Variants in THSD7B observed in about 807,000 individuals in gnomAD.
THSD7B encodes the protein thrombospondin type 1 domain containing 7B, also known as thrombospondin type-1 domain-containing protein 7B.
A neutral mutation model predicts 213.6 loss-of-function variants in THSD7B; 138 were observed. The observed-to-expected ratio is 0.65, with a 90% CI of 0.56 to 0.74. The LOEUF is 0.74. Ranked by LOEUF, THSD7B falls within the 30% of genes least tolerant of loss-of-function variation. The probability of loss-of-function intolerance (pLI) is 0.00; values close to 1 mark genes in which losing one functional copy is unlikely to be tolerated. For synonymous variants in THSD7B, 742 were observed against 687.0 expected, an observed-to-expected ratio of 1.08 and a Z score of -1.25; for missense variants, 1,931 against 1,991.5, an observed-to-expected ratio of 0.97 and a Z score of 0.58.
rs187683375 is a variant in THSD7B, at chr2:137,392,396, C to A, written c.2501-13217C>A. Reference sequence around the variant, plus strand: ...TTGCTGTCTCTTTCTTTCTGGAGTTCTAGTAATATTTATTTTATGAATCTG... The same window carrying A: ...TTGCTGTCTCTTTCTTTCTGGAGTTATAGTAATATTTATTTTATGAATCTG... On this transcript the variant is annotated intron_variant, in intron 12 of 27. Coordinates refer to ENST00000409968, the MANE Select transcript of THSD7B (RefSeq NM_001316349.2). 4.6e-5 allele frequency among the ~76,000 whole-genome samples: 7 copies of A among 152,080 alleles called. No individual in the cohort carries two copies. The East Asian group carries it at 1.4e-3, about 29-fold the overall frequency.
intron 1 of THSD7B, among the ~76,000 whole-genome samples, chr2:136,768,566 C>T (rs181900243): frequency 4.9e-4 from 74 of 152,168 alleles, no homozygotes; most frequent in Admixed American, 4.8e-3. Flanking sequence ...ATATTAAATA[C>T]ATGATTAAGA....
At chr2:137,112,453 C>T (rs1688365965) in intron 4 of THSD7B, among the ~76,000 whole-genome samples, 1 of 151,944 alleles carries the variant, frequency 6.6e-6, no homozygotes, top group Admixed American at 6.6e-5. Flanking sequence ...GGTTAATGAG[C>T]TACCAACAAG....
intron 2 of THSD7B, among the ~76,000 whole-genome samples, chr2:137,041,925 G>A (rs1686889790): frequency 6.6e-6 from 1 of 152,194 alleles, no homozygotes; most frequent in Admixed American, 6.5e-5. Flanking sequence ...AACTTAGAGA[G>A]CATGTCCTGT....
intron 3 of THSD7B, among the ~76,000 whole-genome samples, chr2:137,069,796 G>C (rs1687446556): frequency 6.6e-6 from 1 of 151,454 alleles, no homozygotes; most frequent in South Asian, 2.1e-4. Context: ...TTCTTTGAAA[G>C]TAGTAGAAAT....
At chr2:136,954,714 C>CAAAAAAAAAAAAAAAAAAAAAAA (rs11378111) in intron 2 of THSD7B, among the ~76,000 whole-genome samples, 7 of 89,398 alleles carry the variant, frequency 7.8e-5, no homozygotes, top group African/African-American at 3.9e-4. Context: ...GACTCTGTCT[C>CAAAAAAAAAAAAAAAAAAAAAAA]AAAAAAAAAA....
At chr2:136,767,082 G>T (rs1681412547) in intron 1 of THSD7B, among the ~76,000 whole-genome samples, 1 of 152,116 alleles carries the variant, frequency 6.6e-6, no homozygotes. Flanking sequence ...ACAGTTATTT[G>T]TCTGGCAGTG....
chr2:137,093,571 C>T (rs540396122), intron 3 of THSD7B, among the ~76,000 whole-genome samples: 1 of 152,122 alleles, frequency 6.6e-6, no homozygotes, highest in Non-Finnish European at 1.5e-5. Context: ...AATATGCTAT[C>T]GTTTTACTTT....
At position 136,882,258 on chromosome 2, in the gene THSD7B, T is replaced by C. The variant is rs1683638305; in HGVS notation, c.80T>C (p.Leu27Ser). The C allele has an allele frequency of 6.5e-7, 1 of 1,545,302 alleles. No homozygotes were observed. Among genetic ancestry groups the C allele is most frequent in the South Asian group, 1.2e-5 (1 of 83,048 alleles). Residue 27 changes from leucine (L) to serine (S), a missense_variant, in exon 2 of 28, where the codon TTG becomes TCG. Leu to Ser is a moderately radical substitution (Grantham distance 145). Coordinates refer to ENST00000409968, the MANE Select transcript of THSD7B (RefSeq NM_001316349.2). Reference sequence around the variant, plus strand: ...AAGCTCTTTCTATTGCTTTCTCTCTTGCTGTCCCATGCAGCTCATTTGGAA... The same window carrying C: ...AAGCTCTTTCTATTGCTTTCTCTCTCGCTGTCCCATGCAGCTCATTTGGAA... The part of the protein sequence containing the change: ...MRKLFLLLSL[L>S]LSHAAHLEGK...
intron 1 of THSD7B, among the ~76,000 whole-genome samples, chr2:136,810,591 A>G (rs1270877234): frequency 2.0e-5 from 3 of 152,216 alleles, no homozygotes; most frequent in African/African-American, 7.2e-5. Flanking sequence ...TGGTTGTTGG[A>G]TGGTGCCAAT....
At chr2:137,142,473 G>A (rs2104965599) in intron 5 of THSD7B, among the ~76,000 whole-genome samples, 1 of 152,172 alleles carries the variant, frequency 6.6e-6, no homozygotes, top group Non-Finnish European at 1.5e-5. Flanking sequence ...GTTGTTTTTG[G>A]AGGGTTGAGC....
chr2:137,397,092 C>T (rs927392406), intron 12 of THSD7B, among the ~76,000 whole-genome samples: 15 of 148,476 alleles, frequency 1.0e-4, no homozygotes, highest in African/African-American at 3.7e-4. Context: ...GAATAGAGCA[C>T]ACTGATGGGT....
Position 137,094,963 on chromosome 2 carries a change from C to T in THSD7B, c.1041C>T (p.Pro347=). The T allele has an allele frequency of 1.2e-6, 2 of 1,613,894 alleles. No homozygotes were observed. The highest frequency in any genetic ancestry group is 1.7e-6 in the Non-Finnish European group (2 of 1,179,860). ...CETSQWSSWS[P]CSKTCRSGSL... ...CCTCCCAGTGGTCCTCCTGGAGCCC[C>T]TGCTCCAAGACATGCCGTTCAGGGA... The change falls in exon 4 of 28, where the codon CCC becomes CCT. Residue 347 remains proline (P), a synonymous_variant. Coordinates refer to ENST00000409968, the MANE Select transcript of THSD7B (RefSeq NM_001316349.2).
chr2:136,820,891 CAG>C (rs149666861), intron 1 of THSD7B, among the ~76,000 whole-genome samples: 2 of 151,868 alleles, frequency 1.3e-5, no homozygotes, highest in African/African-American at 4.8e-5. Flanking sequence ...GAGACAGAGA[CAG>C]AGAGAGAAAG....
intron 14 of THSD7B, among the ~76,000 whole-genome samples, chr2:137,427,910 G>GTA (rs1014893147): frequency 6.6e-6 from 1 of 152,046 alleles, no homozygotes; most frequent in African/African-American, 2.4e-5. Context: ...TCATTTTGTA[G>GTA]TATATGTGGA....
intron 1 of THSD7B, among the ~76,000 whole-genome samples, chr2:136,831,431 T>C (rs1373370604): frequency 6.6e-6 from 1 of 152,224 alleles, no homozygotes; most frequent in Admixed American, 6.5e-5. Context: ...ATAGCAGAGC[T>C]TGAGTTCCAA....
chr2:137,294,328 A>C (rs915446025), intron 12 of THSD7B, among the ~76,000 whole-genome samples: 6 of 152,092 alleles, frequency 3.9e-5, no homozygotes, highest in African/African-American at 1.4e-4. Context: ...CACAACTGTA[A>C]TCCCAGCACT....
intron 12 of THSD7B, among the ~76,000 whole-genome samples, chr2:137,378,698 A>T (rs1685713888): frequency 1.3e-5 from 2 of 152,104 alleles, no homozygotes; most frequent in Non-Finnish European, 2.9e-5. Context: ...TGATTTCCTG[A>T]CTTGGCTAGG....
chr2:137,068,641 GT>G (rs1687422789), intron 3 of THSD7B, among the ~76,000 whole-genome samples: 1 of 152,034 alleles, frequency 6.6e-6, no homozygotes, highest in African/African-American at 2.4e-5. Flanking sequence ...TAATACCTGT[GT>G]ATACTTATTG....
At chr2:136,821,842 T>A (rs773576903) in intron 1 of THSD7B, among the ~76,000 whole-genome samples, 8 of 152,184 alleles carry the variant, frequency 5.3e-5, no homozygotes, top group Non-Finnish European at 1.0e-4. Flanking sequence ...AGCTCAACTT[T>A]AACTGTGGAT....
Sources: allele counts gnomAD v4.1 joint callset (sites outside exome capture counted in the v4.1 genomes callset), GRCh38; gene constraint gnomAD v4.1.1; transcripts MANE v1.5; gene names NCBI Gene and HGNC (gene_info 2026-07-23, HGNC 2026-07-21).